The following SPATA18 variants were observed in gnomAD, a reference collection of about 807,000 sequenced individuals.
The protein encoded by SPATA18 is mitochondria-eating protein.
Under a neutral mutation model 68.1 loss-of-function variants are expected in SPATA18, and 54 were observed. The ratio of observed to expected loss-of-function variants is 0.79; its 90% CI spans 0.64 to 0.99. The LOEUF (loss-of-function observed/expected upper bound fraction) is 0.99, where lower values mean the gene tolerates loss of function less well. Among genes scored for constraint, SPATA18 ranks in the 50% least tolerant of loss-of-function variants. The pLI, the probability that SPATA18 is intolerant of heterozygous loss-of-function variation, is 0.00. For missense variants in SPATA18, 724 were observed against 681.1 expected (o/e 1.06, Z -0.70); for synonymous variants, 242 against 244.8 (o/e 0.99, Z 0.11).
rs201329276 is a variant in SPATA18, at chr4:52,078,791, A to G, written c.1077A>G (p.Lys359=). The part of the protein sequence containing the change: ...AFRHFKIHVR[K]SLTPSYVGSN... ...GACACTTCAAGATCCATGTGAGAAA[A>G]TCGTTGACACCATCTTATGTGGGGT... The change falls in exon 8 of 13, where the codon AAA becomes AAG. Residue 359 remains lysine, a synonymous_variant. Coordinates refer to ENST00000295213, the MANE Select transcript of SPATA18 (RefSeq NM_145263.4). 6.2e-7 allele frequency: 1 copy of G among 1,607,008 alleles called. No homozygotes were observed.
intron 4 of SPATA18, among the ~76,000 whole-genome samples, chr4:52,064,381 G>T (rs190986063): frequency 6.6e-6 from 1 of 152,208 alleles, no homozygotes; most frequent in Admixed American, 6.5e-5. Context: ...TGTCACCTGA[G>T]CGGTATACAC....
chr4:52,094,392 G>A, intron 11 of SPATA18, 135 bp from the exon 12 acceptor site: 1 of 708,306 alleles, frequency 1.4e-6, no homozygotes, highest in Non-Finnish European at 2.4e-6. Flanking sequence ...TCAACCTTAG[G>A]GTGAAAAATC....
intron 3 of SPATA18, among the ~76,000 whole-genome samples, chr4:52,061,257 G>C (rs1479776211): frequency 6.6e-6 from 1 of 152,032 alleles, no homozygotes; most frequent in African/African-American, 2.4e-5. Context: ...TCACTCATAA[G>C]TGGGAGCTGA....
chr4:52,080,999 G>A (rs1740873290), intron 9 of SPATA18, among the ~76,000 whole-genome samples: 1 of 152,124 alleles, frequency 6.6e-6, no homozygotes, highest in East Asian at 1.9e-4. Context: ...ATATTTTCTT[G>A]CCATTGTCTT....
chr4:52,082,327 C>T, intron 9 of SPATA18, 60 bp from the exon 10 acceptor site: 1 of 1,476,120 alleles, frequency 6.8e-7, no homozygotes, highest in Non-Finnish European at 9.4e-7. Flanking sequence ...CTGATGTTTT[C>T]CCCTAGATAT....
chr4:52,065,993 C>T (rs558392914), intron 4 of SPATA18, among the ~76,000 whole-genome samples: 13 of 152,214 alleles, frequency 8.5e-5, no homozygotes, highest in Middle Eastern at 3.4e-3. Context: ...CTTTCTATTC[C>T]GCCACCCCTG....
chr4:52,076,813 C>T lies in SPATA18; in HGVS notation c.793C>T (p.Arg265Cys), dbSNP rs757456389. 5.0e-6 allele frequency: 8 copies of T among 1,614,078 alleles called. No individual in the cohort carries two copies. In the East Asian group the frequency reaches 1.8e-4, roughly 36 times the overall value. ...SRSRSPSPAP[R>C]SRSCSRSRSA... ...GAGCCGGTCTCCCAGCCCTGCCCCT[C>T]GCAGCCGTAGCTGCAGCCGCAGCAG... The change falls in exon 7 of 13, where the codon CGC (arginine) becomes TGC (cysteine). Residue 265 changes from arginine to cysteine, a missense_variant. Arg to Cys is a radical substitution (Grantham distance 180). Coordinates refer to ENST00000295213, the MANE Select transcript of SPATA18 (RefSeq NM_145263.4).
chr4:52,053,805 ATCT>A (rs1458204624), intron 1 of SPATA18, among the ~76,000 whole-genome samples: 1 of 152,174 alleles, frequency 6.6e-6, no homozygotes, highest in Non-Finnish European at 1.5e-5. Flanking sequence ...ATCCTTGATC[ATCT>A]TTCACCTGGA....
chr4:52,056,566 C>A (rs1183930841), intron 1 of SPATA18, among the ~76,000 whole-genome samples: 1 of 152,076 alleles, frequency 6.6e-6, no homozygotes, highest in East Asian at 1.9e-4. Flanking sequence ...CTGACTTGTT[C>A]AAACCCAAAC....
chr4:52,051,605 A>G lies in SPATA18; in HGVS notation c.-100A>G, dbSNP rs1426285382. 10 of 1,124,032 alleles carry G rather than the reference A, an allele frequency of 8.9e-6. No individual in the cohort carries two copies. The highest frequency in any genetic ancestry group is 1.4e-5 in the Non-Finnish European group (10 of 740,466). The allele number at this position is 1,124,032 out of a possible 1,614,324, so 69.6% of individuals were successfully genotyped here. A position where few individuals can be genotyped will look rare whatever the true frequency, so the allele number is the denominator to read the frequency against. ...CGCGCTCTGAGCCCCCCAGAAGAGA[A>G]CACCCTTCCCGCCATATCACCCCAC... On this transcript the variant is annotated 5_prime_UTR_variant, in exon 1 of 13. Coordinates refer to ENST00000295213, the MANE Select transcript of SPATA18 (RefSeq NM_145263.4).
Position 52,076,784 on chromosome 4 carries a change from C to T in SPATA18, c.764C>T (p.Ser255Phe). 3 of 1,613,374 alleles carry T rather than the reference C, an allele frequency of 1.9e-6. No homozygotes were observed. The highest frequency in any genetic ancestry group is 2.5e-6 in the Non-Finnish European group (3 of 1,179,520). Residue 255 changes from serine (S) to phenylalanine (F), a missense_variant, in exon 7 of 13, where the codon TCC becomes TTC. By Grantham distance (155) the Ser-to-Phe change is radical. Transcript: ENST00000295213. ...TGATTCTCGCTCACCAACAGGTCCTCCAGGAGCCGGTCTCCCAGCCCTGCC... is the reference window on the plus strand; with the variant it reads ...TGATTCTCGCTCACCAACAGGTCCTTCAGGAGCCGGTCTCCCAGCCCTGCC... ...AEKSALQGRS[S>F]RSRSPSPAPR...
intron 5 of SPATA18, among the ~76,000 whole-genome samples, chr4:52,071,351 T>C (rs899609852): frequency 2.0e-5 from 3 of 152,240 alleles, no homozygotes; most frequent in Non-Finnish European, 4.4e-5. Flanking sequence ...TTTTTTTGTT[T>C]GCTACATTAT....
At chr4:52,062,409 T>C (rs1738951101) in intron 4 of SPATA18, 77 bp downstream of exon 4, 1 of 990,118 alleles carries the variant, frequency 1.0e-6, no homozygotes, top group African/African-American at 1.6e-5. Context: ...GAAAGGAGAA[T>C]AATGGCTCAT....
intron 4 of SPATA18, among the ~76,000 whole-genome samples, chr4:52,066,986 G>T (rs1010331914): frequency 4.6e-5 from 7 of 152,056 alleles, no homozygotes; most frequent in Admixed American, 1.3e-4. Flanking sequence ...ATCAATAATA[G>T]AATTATTTAT....
At chr4:52,058,505 C>T (rs1158590513) in intron 1 of SPATA18, among the ~76,000 whole-genome samples, 1 of 152,204 alleles carries the variant, frequency 6.6e-6, no homozygotes, top group African/African-American at 2.4e-5. Flanking sequence ...CTCTAAATGT[C>T]CTTCTGTGCC....
chr4:52,060,161 C>T (rs1343208252), intron 1 of SPATA18, among the ~76,000 whole-genome samples: 2 of 152,198 alleles, frequency 1.3e-5, no homozygotes, highest in Non-Finnish European at 1.5e-5. Context: ...TGGGCCAGGC[C>T]CCAGGCATAT....
At chr4:52,067,662 C>G (rs559513509) in intron 4 of SPATA18, among the ~76,000 whole-genome samples, 2 of 152,246 alleles carry the variant, frequency 1.3e-5, no homozygotes, top group South Asian at 4.2e-4. Flanking sequence ...GACCACCATA[C>G]GTTGAAAGGT....
At chr4:52,060,622 C>T in intron 2 of SPATA18, 98 bp downstream of exon 2, 1 of 1,277,212 alleles carries the variant, frequency 7.8e-7, no homozygotes, top group African/African-American at 1.5e-5. Context: ...GGTTGGGTTT[C>T]TCTCACTGAC....
intron 4 of SPATA18, among the ~76,000 whole-genome samples, chr4:52,066,580 G>T (rs1386935456): frequency 6.6e-6 from 1 of 152,132 alleles, no homozygotes; most frequent in Non-Finnish European, 1.5e-5. Flanking sequence ...TACCATGGTG[G>T]TTTGCTGCAC....
Sources: gnomAD v4.1 joint callset for allele counts (sites outside exome capture counted in the v4.1 genomes callset) on GRCh38, gnomAD v4.1.1 for gene constraint, MANE v1.5 for transcripts, NCBI Gene and HGNC (gene_info 2026-07-23, HGNC 2026-07-21) for gene names.